TAF1B: variants seen among roughly 807,000 people sequenced by gnomAD.
TAF1B encodes TATA-box binding protein associated factor, RNA polymerase I subunit B.
In TAF1B, 61 loss-of-function variants were observed where a neutral mutation model predicts 83.9. The ratio of observed to expected loss-of-function variants is 0.73; its 90% confidence interval spans 0.59 to 0.90. TAF1B has a LOEUF of 0.90. TAF1B is among the 40% of genes least tolerant of loss of function. The pLI is 0.00. For missense variants in TAF1B, 625 were observed against 677.0 expected, an observed-to-expected ratio of 0.92 and a Z score of 0.85; for synonymous variants, 221 against 224.6, an observed-to-expected ratio of 0.98 and a Z score of 0.14.
intron 8 of TAF1B, among the ~76,000 whole-genome samples, chr2:9,903,546 A>C (rs1317714011): frequency 2.0e-5 from 3 of 152,246 alleles, no homozygotes; most frequent in Non-Finnish European, 4.4e-5. Flanking sequence ...ATATTTGTTC[A>C]TAGCTTTTCT....
chr2:9,845,795 C>T (rs1016402252), intron 2 of TAF1B: 10 of 267,670 alleles, frequency 3.7e-5, no homozygotes, highest in Non-Finnish European at 7.3e-5. Flanking sequence ...CCAGTCTGTC[C>T]AACAATGGGA....
chr2:9,895,346 C>T (rs1272627629), intron 8 of TAF1B, among the ~76,000 whole-genome samples: 1 of 151,996 alleles, frequency 6.6e-6, no homozygotes, highest in African/African-American at 2.4e-5. Flanking sequence ...CAAAAAAACA[C>T]AAAAATTAGC....
At chr2:9,900,130 T>C (rs1363234340) in intron 8 of TAF1B, among the ~76,000 whole-genome samples, 1 of 152,218 alleles carries the variant, frequency 6.6e-6, no homozygotes, top group East Asian at 1.9e-4. Context: ...ACTATATTCC[T>C]AATCCAGTTT....
intron 14 of TAF1B, 101 bp from the exon 15 acceptor site, chr2:9,933,682 A>G: frequency 1.0e-6 from 1 of 961,970 alleles, no homozygotes; most frequent in Non-Finnish European, 1.6e-6. Flanking sequence ...AAGCCTAACC[A>G]TATATATTTG....
chr2:9,843,796 G>A (rs1663106814), intron 1 of TAF1B: 1 of 488,702 alleles, frequency 2.0e-6, no homozygotes, highest in Admixed American at 4.1e-5. Context: ...GGGAGGGTGT[G>A]GTGTTTGTCG....
intron 4 of TAF1B, 40 bp downstream of exon 4, chr2:9,851,678 T>C: frequency 6.5e-7 from 1 of 1,533,962 alleles, no homozygotes; most frequent in Non-Finnish European, 8.9e-7. Context: ...TTACATATTT[T>C]TGTTTAAAGA....
At position 9,878,257 on chromosome 2, in the gene TAF1B, G is replaced by A. The variant is rs142641970; in HGVS notation, c.707+2239G>A. 2.2e-4 allele frequency among the ~76,000 whole-genome samples: 30 copies of A among 136,934 alleles called. No individual in the cohort carries two copies. In the East Asian group the frequency reaches 3.4e-3, roughly 15 times the overall value. The allele number at this position is 136,934 out of a possible 152,430, so 89.8% of individuals were successfully genotyped here. A position where few individuals can be genotyped will look rare whatever the true frequency, so the allele number is the denominator to read the frequency against. ...TTTAATTGTTTATTTTTATTTTTTC[G>A]TAGAGCTGGGGTCTTGTGATGTTGC... On this transcript the variant is annotated intron_variant, in intron 7 of 14. Coordinates refer to ENST00000263663, the MANE Select transcript of TAF1B (RefSeq NM_005680.3).
chr2:9,875,957 G>T lies in TAF1B; in HGVS notation c.646G>T (p.Ala216Ser). ...IVKMTMPQTL[A>S]FCYLSLLWQR... ...GAAGATGACCATGCCACAGACACTTGCCTTCTGTTATCTGTCCTTACTTTG... is the reference window on the plus strand; with the variant it reads ...GAAGATGACCATGCCACAGACACTTTCCTTCTGTTATCTGTCCTTACTTTG... Residue 216 changes from alanine to serine, a missense_variant, in exon 7 of 15, where the codon GCC (alanine) becomes TCC (serine). Physicochemically the swap from Ala to Ser is moderately conservative, Grantham distance 99 (BLOSUM62 1). Transcript: ENST00000263663. The T allele has an allele frequency of 6.2e-7, 1 of 1,613,564 alleles. No individual in the cohort carries two copies. Among genetic ancestry groups the T allele is most frequent in the Middle Eastern group, 1.6e-4 (1 of 6,062 alleles).
chr2:9,916,085 T>C (rs1043699228), intron 12 of TAF1B, among the ~76,000 whole-genome samples: 1 of 152,146 alleles, frequency 6.6e-6, no homozygotes, highest in Non-Finnish European at 1.5e-5. Flanking sequence ...TCAAGGGATG[T>C]GGGAGATATT....
At chr2:9,866,509 A>G (rs1027591784) in intron 5 of TAF1B, among the ~76,000 whole-genome samples, 1 of 152,152 alleles carries the variant, frequency 6.6e-6, no homozygotes, top group African/African-American at 2.4e-5. Context: ...TAGTTCAACC[A>G]TTGTGGAAGT....
At chr2:9,906,916 T>G (rs187905591) in intron 9 of TAF1B, among the ~76,000 whole-genome samples, 1 of 152,192 alleles carries the variant, frequency 6.6e-6, no homozygotes, top group African/African-American at 2.4e-5. Context: ...CTTGCTCTGT[T>G]GACCAGGCTG....
At chr2:9,889,923 T>C (rs1664814370) in intron 8 of TAF1B, among the ~76,000 whole-genome samples, 2 of 152,244 alleles carry the variant, frequency 1.3e-5, no homozygotes, top group African/African-American at 4.8e-5. Flanking sequence ...TTTGCTCTAC[T>C]GCTTTCCTGT....
At chr2:9,889,143 A>G (rs1558252039) in intron 8 of TAF1B, among the ~76,000 whole-genome samples, 1 of 151,700 alleles carries the variant, frequency 6.6e-6, no homozygotes, top group Non-Finnish European at 1.5e-5. Context: ...ATGGGTGTGC[A>G]GTTTTCATCA....
At chr2:9,855,555 C>T (rs1273038909) in intron 5 of TAF1B, among the ~76,000 whole-genome samples, 2 of 151,984 alleles carry the variant, frequency 1.3e-5, no homozygotes, top group African/African-American at 4.8e-5. Flanking sequence ...GTGACACATG[C>T]CCTATATAGT....
At chr2:9,915,836 A>G (rs1444885961) in intron 12 of TAF1B, among the ~76,000 whole-genome samples, 1 of 152,234 alleles carries the variant, frequency 6.6e-6, no homozygotes, top group Non-Finnish European at 1.5e-5. Context: ...CTGGCAACAA[A>G]CCACATGTTC....
intron 14 of TAF1B, 50 bp downstream of exon 14, chr2:9,919,870 A>G (rs775625009): frequency 3.9e-6 from 6 of 1,527,520 alleles, no homozygotes; most frequent in African/African-American, 1.4e-5. Context: ...AGTTGACTGT[A>G]TAAGAGCCAG....
chr2:9,913,469 T>G (rs1665596443), intron 12 of TAF1B: 1 of 429,452 alleles, frequency 2.3e-6, no homozygotes, highest in Admixed American at 4.2e-5. Context: ...ATTAATGTCC[T>G]CTTTCTGTTC....
rs566197329 is a variant in TAF1B, at chr2:9,843,626, G to A, written c.18+67G>A. 4.2e-6 allele frequency: 6 copies of A among 1,421,934 alleles called. No individual in the cohort carries two copies. In the Admixed American group the frequency reaches 1.5e-4, roughly 35 times the overall value. 88.1% of individuals were successfully genotyped at this position (1,421,934 alleles called of 1,614,324 possible). ...CGGAGGAGAGAGAAGCTGAGGAGGA[G>A]CGGCGGAGGACGCCGCGGGTTGGGG... On this transcript the variant is annotated intron_variant, in intron 1 of 14. Coordinates refer to ENST00000263663, the MANE Select transcript of TAF1B (RefSeq NM_005680.3).
intron 4 of TAF1B, chr2:9,852,112 C>T: frequency 4.5e-6 from 2 of 444,246 alleles, no homozygotes; most frequent in South Asian, 3.3e-5. Context: ...TCAGAATCAC[C>T]TGGAGTGCTT....
Sources: gnomAD v4.1 joint callset for allele counts (sites outside exome capture counted in the v4.1 genomes callset) on GRCh38, gnomAD v4.1.1 for gene constraint, MANE v1.5 for transcripts, NCBI Gene and HGNC (gene_info 2026-07-23, HGNC 2026-07-21) for gene names.